Variants in IAPP observed in about 807,000 individuals in gnomAD.
IAPP encodes the protein Islet amyloid polypeptide (diabetes-associated peptide; amylin).
In IAPP, 4 loss-of-function variants were observed where a neutral mutation model predicts 2.9. The ratio of observed to expected loss-of-function variants is 1.39; its 90% confidence interval spans 0.69 to 3.19. IAPP has a LOEUF of 3.19. IAPP is among the 30% of genes most tolerant of loss of function. The pLI is 0.01. For missense variants in IAPP, 114 were observed against 105.3 expected (o/e 1.08, Z -0.36); for synonymous variants, 40 against 42.1 (o/e 0.95, Z 0.19).
intron 1 of IAPP, among the ~76,000 whole-genome samples, chr12:21,358,126 T>C (rs991513374): frequency 6.6e-6 from 1 of 152,126 alleles, no homozygotes; most frequent in Non-Finnish European, 1.5e-5. Flanking sequence ...TTTCACTTAA[T>C]AAACTTAAAA....
At position 21,372,921 on chromosome 12, in the gene IAPP, T is replaced by G; in HGVS notation, c.-99T>G. ...GCAAATGAGGGGGTAAATATTCCAG[T>G]GGATACAAGCTTGGACTCTTTTCTT... On this transcript the variant is annotated 5_prime_UTR_variant, in exon 1 of 3. Coordinates refer to ENST00000240652, the MANE Select transcript of IAPP (RefSeq NM_000415.3). The G allele has an allele frequency of 4.8e-6, 1 of 206,534 alleles. No individual in the cohort carries two copies. The highest frequency in any genetic ancestry group is 9.7e-6 in the Non-Finnish European group (1 of 103,046). 12.8% of individuals were successfully genotyped at this position (206,534 alleles called of 1,614,324 possible). A position where few individuals can be genotyped will look rare whatever the true frequency, so the allele number is the denominator to read the frequency against.
At chr12:21,360,835 G>A (rs1190299704) in intron 1 of IAPP, among the ~76,000 whole-genome samples, 1 of 152,200 alleles carries the variant, frequency 6.6e-6, no homozygotes, top group Non-Finnish European at 1.5e-5. Context: ...AGCAAGGCTG[G>A]GGGAGGGGCG....
Position 21,379,571 on chromosome 12 carries a change from T to TA in IAPP, c.*1146dup, listed in dbSNP as rs1475340991. The TA allele has an allele frequency of 1.3e-5, 2 of 152,220 alleles. No individual in the cohort carries two copies. The highest frequency in any genetic ancestry group is 4.8e-5 in the African/African-American group (2 of 41,462). 9.4% of individuals were successfully genotyped at this position (152,220 alleles called of 1,614,324 possible). On this transcript the variant is annotated 3_prime_UTR_variant, in exon 3 of 3. Coordinates refer to ENST00000240652, the MANE Select transcript of IAPP (RefSeq NM_000415.3). ...TATGTATATGATACACTTTTTTTGATAGCAGCTGCAATGTTGGACAGAAGA... is the reference window on the plus strand; with the variant it reads ...TATGTATATGATACACTTTTTTTGATAAGCAGCTGCAATGTTGGACAGAAGA...
intron 1 of IAPP, among the ~76,000 whole-genome samples, chr12:21,361,178 A>C (rs1322659225): frequency 1.3e-5 from 2 of 152,194 alleles, no homozygotes; most frequent in Non-Finnish European, 1.5e-5. Flanking sequence ...TGCCCCTCTA[A>C]GACAAAGCTT....
At chr12:21,376,384 A>T (rs928381556) in intron 2 of IAPP, 2 of 320,426 alleles carry the variant, frequency 6.2e-6, no homozygotes, top group Admixed American at 3.5e-5. Flanking sequence ...TTAGAATTCA[A>T]TGCAAATGTA....
Position 21,362,052 on chromosome 12 carries a change from A to T in IAPP, c.-16+7039A>T, listed in dbSNP as rs572189847. 2.6e-5 allele frequency among the ~76,000 whole-genome samples: 4 copies of T among 152,290 alleles called. No homozygotes were observed. In the East Asian group the frequency reaches 7.7e-4, roughly 29 times the overall value. ...TTCAGAAAATACAGAGAATGCCACA[A>T]AGATACTCCTCGAGAAGAGAAACTC... On this transcript the variant is annotated intron_variant, in intron 1 of 2. Transcript: ENST00000539393.
At chr12:21,364,542 G>A (rs1321848112) in intron 1 of IAPP, among the ~76,000 whole-genome samples, 1 of 152,152 alleles carries the variant, frequency 6.6e-6, no homozygotes, top group African/African-American at 2.4e-5. Flanking sequence ...TGGAAGTTCT[G>A]GCCAGGGCAA....
chr12:21,359,980 G>A (rs1045133787), intron 1 of IAPP, among the ~76,000 whole-genome samples: 8 of 151,818 alleles, frequency 5.3e-5, no homozygotes, highest in Non-Finnish European at 1.0e-4. Context: ...ACATGGATAC[G>A]GAATGCAGAT....
chr12:21,367,889 ATT>A (rs1429635014), intron 1 of IAPP, among the ~76,000 whole-genome samples: 1 of 152,184 alleles, frequency 6.6e-6, no homozygotes, highest in Middle Eastern at 3.2e-3. Context: ...CTTGCCTTTC[ATT>A]TAAAACTACC....
At chr12:21,365,222 G>T (rs1939277907) in intron 1 of IAPP, among the ~76,000 whole-genome samples, 1 of 152,122 alleles carries the variant, frequency 6.6e-6, no homozygotes, top group Admixed American at 6.5e-5. Context: ...GAACAGAATA[G>T]AGCCCTCAGA....
chr12:21,365,211 G>A (rs1939277377), intron 1 of IAPP, among the ~76,000 whole-genome samples: 1 of 152,098 alleles, frequency 6.6e-6, no homozygotes, highest in African/African-American at 2.4e-5. Context: ...ATAGACCAAT[G>A]GAACAGAATA....
At chr12:21,358,348 C>T (rs1938539425) in intron 1 of IAPP, among the ~76,000 whole-genome samples, 1 of 152,072 alleles carries the variant, frequency 6.6e-6, no homozygotes, top group African/African-American at 2.4e-5. Context: ...TTGTTTGATA[C>T]CAACCAGCAC....
upstream of IAPP, among the ~76,000 whole-genome samples, chr12:21,369,108 A>G (rs1018485737): frequency 2.6e-5 from 4 of 152,176 alleles, no homozygotes; most frequent in Non-Finnish European, 5.9e-5. Context: ...AACACATACA[A>G]ATTTGATAAA....
Position 21,378,669 on chromosome 12 carries a change from T to A in IAPP, c.*243T>A, listed in dbSNP as rs1940385981. The A allele has an allele frequency of 2.3e-6, 1 of 437,942 alleles. No homozygotes were observed. Among genetic ancestry groups the A allele is most frequent in the Non-Finnish European group, 4.1e-6 (1 of 243,526 alleles). 27.1% of individuals were successfully genotyped at this position (437,942 alleles called of 1,614,324 possible). On this transcript the variant is annotated 3_prime_UTR_variant, in exon 3 of 3. Coordinates refer to ENST00000240652, the MANE Select transcript of IAPP (RefSeq NM_000415.3). The stretch of plus-strand genomic sequence containing the variant: ...ATTTGTATTTTAAAACATAAGAACG[T>A]CATTTTGGGACCTATATCTCAGTGG...
At chr12:21,364,912 G>A (rs1053104572) in intron 1 of IAPP, among the ~76,000 whole-genome samples, 5 of 152,154 alleles carry the variant, frequency 3.3e-5, no homozygotes, top group Admixed American at 6.5e-5. Flanking sequence ...CAAACAAATG[G>A]AAGAACATTT....
At chr12:21,372,057 C>T (rs902789639), upstream of IAPP, among the ~76,000 whole-genome samples, 11 of 151,684 alleles carry the variant, frequency 7.3e-5, no homozygotes, top group African/African-American at 2.7e-4. Context: ...AAAGAAAAAG[C>T]AATTTGGAGA....
intron 2 of IAPP, chr12:21,373,857 T>C: frequency 1.9e-6 from 1 of 520,056 alleles, no homozygotes; most frequent in Non-Finnish European, 3.4e-6. Flanking sequence ...TTTCCTCAGA[T>C]GTCTCTGGAA....
At chr12:21,356,909 G>A (rs559238653) in intron 1 of IAPP, among the ~76,000 whole-genome samples, 30 of 152,002 alleles carry the variant, frequency 2.0e-4, no homozygotes, top group African/African-American at 5.1e-4. Flanking sequence ...TCCAGTGCTC[G>A]TGGAAACTTT....
At chr12:21,366,656 A>G (rs1475647397) in intron 1 of IAPP, among the ~76,000 whole-genome samples, 2 of 152,094 alleles carry the variant, frequency 1.3e-5, no homozygotes, top group African/African-American at 2.4e-5. Context: ...AGAAACCAGA[A>G]AAGAGAAAGC....
Sources: allele counts gnomAD v4.1 joint callset (sites outside exome capture counted in the v4.1 genomes callset), GRCh38; gene constraint gnomAD v4.1.1; transcripts MANE v1.5; gene names NCBI Gene and HGNC (gene_info 2026-07-23, HGNC 2026-07-21).